Variants in CYP4F12 observed in about 807,000 individuals in gnomAD.
CYP4F12 encodes cytochrome P450 family 4 subfamily F member 12.
A neutral mutation model predicts 56.5 loss-of-function variants in CYP4F12; 60 were observed. That is an observed-to-expected ratio of 1.06 (90% CI 0.86 to 1.32). The LOEUF is 1.32. Ranked by LOEUF, CYP4F12 falls within the 40% of genes most tolerant of loss-of-function variation. The pLI is 0.00. For missense variants in CYP4F12, 711 were observed against 683.5 expected, an observed-to-expected ratio of 1.04 and a Z score of -0.45; for synonymous variants, 263 against 264.9, an observed-to-expected ratio of 0.99 and a Z score of 0.07.
chr19:15,683,645 C>G lies in CYP4F12; in HGVS notation c.800C>G (p.Thr267Arg), dbSNP rs2007437959. Reference protein sequence around the residue: ...HRACRLVHDFTDAVIRERRRT... With the variant: ...HRACRLVHDFRDAVIRERRRT... ...GCCTGCCGCCTGGTGCATGACTTCA[C>G]AGACGCTGTCATCCGGGAGCGGCGT... Residue 267 changes from threonine (T) to arginine (R), a missense_variant, in exon 7 of 13, where the codon ACA becomes AGA. Transcript: ENST00000550308. 6.2e-7 allele frequency: 1 copy of G among 1,613,954 alleles called. No individual in the cohort carries two copies. Among genetic ancestry groups the G allele is most frequent in the African/African-American group, 1.3e-5 (1 of 75,044 alleles).
chr19:15,679,685 C>G (rs553840971), intron 3 of CYP4F12, among the ~76,000 whole-genome samples: 1 of 152,282 alleles, frequency 6.6e-6, no homozygotes, highest in African/African-American at 2.4e-5. Flanking sequence ...TGTCCAAGGT[C>G]TGGGAGCTAG....
In CYP4F12 at chr19:15,683,510, T is replaced by C. The variant is rs1333650628; in HGVS notation, c.665T>C (p.Ile222Thr). ...CTCTGCAGGAGGCCCAGTGAATATA[T>C]TGCCACCATCTTGGAGCTCAGTGCC... ...SHCQERPSEY[I>T]ATILELSALV... The change falls in exon 7 of 13, where the codon ATT becomes ACT. Residue 222 changes from isoleucine (I) to threonine (T), a missense_variant. Coordinates refer to ENST00000550308, the MANE Select transcript of CYP4F12 (RefSeq NM_023944.4). 9 of 1,605,370 alleles carry C rather than the reference T, an allele frequency of 5.6e-6. No homozygotes were observed. The Admixed American group carries it at 6.9e-5, about 12-fold the overall frequency.
intron 5 of CYP4F12, 169 bp downstream of exon 5, chr19:15,680,688 G>A (rs1459302739): frequency 3.4e-6 from 3 of 878,138 alleles, no homozygotes; most frequent in Admixed American, 2.0e-5. Context: ...TACTTGAAAG[G>A]TCATTTACTT....
At chr19:15,689,967 C>T (rs192075777) in intron 9 of CYP4F12, among the ~76,000 whole-genome samples, 20 of 152,112 alleles carry the variant, frequency 1.3e-4, no homozygotes, top group East Asian at 1.2e-3. Flanking sequence ...GGTTGGGAGC[C>T]GGGTAAGGGA....
chr19:15,678,778 C>A (rs1197608917), intron 3 of CYP4F12, among the ~76,000 whole-genome samples: 4 of 152,116 alleles, frequency 2.6e-5, no homozygotes, highest in Admixed American at 1.3e-4. Flanking sequence ...ATGTCTAGAC[C>A]AATAAGTAGG....
intron 2 of CYP4F12, among the ~76,000 whole-genome samples, chr19:15,675,418 G>T (rs574705017): frequency 8.5e-5 from 13 of 152,146 alleles, no homozygotes; most frequent in Non-Finnish European, 1.8e-4. Context: ...GAGAATGGAG[G>T]GCCCTCAGGA....
At chr19:15,680,329 C>T in intron 4 of CYP4F12, 32 bp downstream of exon 4, 1 of 1,613,164 alleles carries the variant, frequency 6.2e-7, no homozygotes, top group Non-Finnish European at 8.5e-7. Flanking sequence ...GGGTTGGGGA[C>T]AACCTTGCGG....
rs1198625656 is a variant in CYP4F12, at chr19:15,673,908, TA to T, written c.198+182del. Among the ~76,000 whole-genome samples the T allele has an allele frequency of 3.0e-3, 3 of 1,012 alleles. 1 individual carries two copies. Among genetic ancestry groups the T allele is most frequent in the Non-Finnish European group, 2.6e-3 (1 of 388 alleles). The allele number at this position is 1,012 out of a possible 152,430, so 0.7% of individuals were successfully genotyped here. ...TCATTCCTCTACCCACTCACTCCTC[TA>T]CCCACTCACTCACTCCTCTACCCAC... On this transcript the variant is annotated intron_variant, in intron 2 of 12. Transcript: ENST00000550308.
intron 9 of CYP4F12, among the ~76,000 whole-genome samples, chr19:15,685,670 G>C (rs1294581965): frequency 6.6e-6 from 1 of 152,208 alleles, no homozygotes; most frequent in Non-Finnish European, 1.5e-5. Context: ...TTTTGGGACA[G>C]AGAGTCCTAG....
At position 15,685,093 on chromosome 19, in the gene CYP4F12, C is replaced by G; in HGVS notation, c.1011C>G (p.Leu337=). The G allele has an allele frequency of 6.2e-7, 1 of 1,614,190 alleles. No homozygotes were observed. The highest frequency in any genetic ancestry group is 8.5e-7 in the Non-Finnish European group (1 of 1,180,024). Residue 337 remains leucine (L), a synonymous_variant, in exon 9 of 13, where the codon CTC becomes CTG. Coordinates refer to ENST00000550308, the MANE Select transcript of CYP4F12 (RefSeq NM_023944.4). ...FGGHDTTASG[L]SWVLYNLARH... is the part of the protein sequence containing the mutation. ...GCCATGACACCACGGCCAGTGGCCT[C>G]TCCTGGGTCCTGTACAACCTTGCGA...
chr19:15,677,315 G>C (rs189266774), intron 2 of CYP4F12, among the ~76,000 whole-genome samples: 2 of 7,788 alleles, frequency 2.6e-4, no homozygotes, highest in African/African-American at 8.5e-4. Flanking sequence ...TGCTCACTTA[G>C]TCATTCCTCT....
chr19:15,675,006 G>A lies in CYP4F12; in HGVS notation c.198+1279G>A, dbSNP rs113228442. On this transcript the variant is annotated intron_variant, in intron 2 of 12. Coordinates refer to ENST00000550308, the MANE Select transcript of CYP4F12 (RefSeq NM_023944.4). Reference sequence around the variant, plus strand: ...CCCATCTCTGGGCTGCTGCTTTCCCGCAGGAATTATCTCTGACTTCCTTCC... The same window carrying A: ...CCCATCTCTGGGCTGCTGCTTTCCCACAGGAATTATCTCTGACTTCCTTCC... Among the ~76,000 whole-genome samples, 1,249 of 152,296 alleles carry A rather than the reference G, an allele frequency of 8.2e-3. 12 individuals are homozygous for A. Among genetic ancestry groups the A allele is most frequent in the African/African-American group, 0.028 (1,168 of 41,534 alleles).
At chr19:15,680,166 T>C in intron 3 of CYP4F12, 78 bp from the exon 4 acceptor site, 3 of 1,522,394 alleles carry the variant, frequency 2.0e-6, no homozygotes, top group Non-Finnish European at 2.6e-6. Context: ...GGGAAAGTGC[T>C]GGTAGGCAGC....
At chr19:15,676,105 G>A (rs1263356122) in intron 2 of CYP4F12, among the ~76,000 whole-genome samples, 1 of 152,146 alleles carries the variant, frequency 6.6e-6, no homozygotes, top group Non-Finnish European at 1.5e-5. Context: ...GAGAGAGCAA[G>A]TTCTTCCTTT....
At chr19:15,673,811 A>G (rs1358867507) in intron 2 of CYP4F12, 84 bp downstream of exon 2, 4 of 1,490,832 alleles carry the variant, frequency 2.7e-6, no homozygotes, top group Non-Finnish European at 3.7e-6. Context: ...TGAGCTAGGT[A>G]TTGATGGTGG....
Position 15,685,138 on chromosome 19 carries a change from G to T in CYP4F12, c.1056G>T (p.Glu352Asp), listed in dbSNP as rs1490898963. The T allele has an allele frequency of 6.2e-7, 1 of 1,614,104 alleles. No homozygotes were observed. The highest frequency in any genetic ancestry group is 8.5e-7 in the Non-Finnish European group (1 of 1,180,034). ...YNLARHPEYQ[E>D]RCRQEVQELL... The stretch of plus-strand genomic sequence containing the variant: ...TTGCGAGGCACCCAGAATACCAGGA[G>T]CGCTGCCGACAGGAGGTGCAAGAGC... Residue 352 changes from glutamate (E) to aspartate (D), a missense_variant, in exon 9 of 13, where the codon GAG (glutamate) becomes GAT (aspartate). Coordinates refer to ENST00000550308, the MANE Select transcript of CYP4F12 (RefSeq NM_023944.4).
chr19:15,680,632 C>T lies in CYP4F12; in HGVS notation c.525+113C>T, dbSNP rs745331588. The stretch of plus-strand genomic sequence containing the variant: ...GTGGCACTGGGCCATTGCTCTTCCT[C>T]TCTGAGCCTTGGTTTCCTCATCTGT... On this transcript the variant is annotated intron_variant, in intron 5 of 12. Coordinates refer to ENST00000550308, the MANE Select transcript of CYP4F12 (RefSeq NM_023944.4). The T allele has an allele frequency of 2.2e-6, 3 of 1,377,624 alleles. No homozygotes were observed. In the African/African-American group the frequency reaches 4.3e-5, roughly 20 times the overall value. 85.3% of individuals were successfully genotyped at this position (1,377,624 alleles called of 1,614,324 possible). A position where few individuals can be genotyped will look rare whatever the true frequency, so the allele number is the denominator to read the frequency against.
At chr19:15,680,222 T>C (rs2007206301) in intron 3 of CYP4F12, 22 bp from the exon 4 acceptor site, 2 of 1,583,402 alleles carry the variant, frequency 1.3e-6, no homozygotes, top group South Asian at 1.2e-5. Flanking sequence ...ACATGGCCCC[T>C]GATGGTCCTC....
At chr19:15,680,370 C>T (rs8100667) in intron 4 of CYP4F12, 22 bp from the exon 5 acceptor site, 1,500,809 of 1,613,948 alleles carry the variant, frequency 0.93, 698,095 homozygotes, top group East Asian at 1. Flanking sequence ...CTCTTGCCCA[C>T]TGTCCTTGGC....
Sources: gnomAD v4.1 joint callset for allele counts (sites outside exome capture counted in the v4.1 genomes callset) on GRCh38, gnomAD v4.1.1 for gene constraint, MANE v1.5 for transcripts, NCBI Gene and HGNC (gene_info 2026-07-23, HGNC 2026-07-21) for gene names.